Variants in PCBP3 observed in about 807,000 individuals in gnomAD.
The protein encoded by PCBP3 is poly(rC) binding protein 3, also known as poly(rC)-binding protein 3.
A neutral mutation model predicts 52.7 loss-of-function variants in PCBP3; 25 were observed. The ratio of observed to expected loss-of-function variants is 0.47; its 90% CI spans 0.35 to 0.66. PCBP3 has a LOEUF of 0.66. Among genes scored for constraint, PCBP3 ranks in the 30% least tolerant of loss-of-function variants. The probability of loss-of-function intolerance (pLI) is 0.01; values close to 1 mark genes in which losing one functional copy is unlikely to be tolerated. For synonymous variants in PCBP3, 162 were observed against 183.0 expected (o/e 0.89, Z 0.93); for missense variants, 391 against 490.3 (o/e 0.80, Z 1.91).
intron 9 of PCBP3, among the ~76,000 whole-genome samples, chr21:45,905,505 A>G (rs1052247564): frequency 6.6e-6 from 1 of 152,242 alleles, no homozygotes; most frequent in Non-Finnish European, 1.5e-5. Flanking sequence ...GCGGCAGCAC[A>G]CTGTCCCAGC....
intron 4 of PCBP3, among the ~76,000 whole-genome samples, chr21:45,810,193 A>C (rs1254275472): frequency 6.6e-6 from 1 of 150,742 alleles, no homozygotes; most frequent in African/African-American, 2.5e-5. Context: ...TCCTGGTGTA[A>C]ACCCTACTTG....
intron 5 of PCBP3, among the ~76,000 whole-genome samples, chr21:45,869,973 A>C (rs1228029495): frequency 2.6e-5 from 4 of 152,228 alleles, no homozygotes; most frequent in African/African-American, 9.6e-5. Flanking sequence ...TTTAGCTGTT[A>C]GTCACACTTC....
chr21:45,843,323 C>G (rs1464597272), intron 4 of PCBP3, among the ~76,000 whole-genome samples: 1 of 152,194 alleles, frequency 6.6e-6, no homozygotes, highest in African/African-American at 2.4e-5. Flanking sequence ...CTTGATTAAT[C>G]TCATCAGAGG....
rs1332915352 is a variant in PCBP3 at position 45,821,307 on chromosome 21, A to G, written c.-125-28654A>G. ...CCTGGGTCACACTGGCCCAGCACAC[A>G]CTGAGCTCCAGCCTGATGTCCAGCC... is the stretch of plus-strand genomic sequence containing the variant. On this transcript the variant is annotated intron_variant, in intron 4 of 17. Coordinates refer to ENST00000681687, the MANE Select transcript of PCBP3 (RefSeq NM_001384156.1). This position sits in a 1 kb window ranked among gnomAD's most constrained non-coding sequence, Gnocchi z 4.4. Among the ~76,000 whole-genome samples, 1 of 151,862 alleles carries G rather than the reference A, an allele frequency of 6.6e-6. No individual in the cohort carries two copies. The highest frequency in any genetic ancestry group is 1.5e-5 in the Non-Finnish European group (1 of 67,958).
chr21:45,697,512 A>G (rs1398599331), intron 2 of PCBP3, among the ~76,000 whole-genome samples: 1 of 152,170 alleles, frequency 6.6e-6, no homozygotes, highest in Non-Finnish European at 1.5e-5. Flanking sequence ...TGGGAGGCTG[A>G]GGCAGGAGGA....
intron 4 of PCBP3, among the ~76,000 whole-genome samples, chr21:45,774,611 A>G (rs562424210): frequency 6.6e-6 from 1 of 152,240 alleles, no homozygotes; most frequent in Non-Finnish European, 1.5e-5. Flanking sequence ...TCTTAGAGAG[A>G]ACACTCTTAG....
intron 1 of PCBP3, among the ~76,000 whole-genome samples, chr21:45,665,439 A>T (rs2080731430): frequency 6.6e-6 from 1 of 152,114 alleles, no homozygotes; most frequent in Non-Finnish European, 1.5e-5. Flanking sequence ...GATTTTTGTT[A>T]GTTAATTTTG....
At chr21:45,649,137 CAAT>C (rs2079518044) in intron 1 of PCBP3, among the ~76,000 whole-genome samples, 1 of 152,178 alleles carries the variant, frequency 6.6e-6, no homozygotes, top group Non-Finnish European at 1.5e-5. Context: ...GGAGGCCTCA[CAAT>C]GATGGCGGAA....
intron 2 of PCBP3, among the ~76,000 whole-genome samples, chr21:45,727,332 T>C (rs2085121774): frequency 6.6e-6 from 1 of 152,216 alleles, no homozygotes; most frequent in Non-Finnish European, 1.5e-5. Context: ...TCAAAATCAC[T>C]TGTTCATATG....
chr21:45,675,818 T>C (rs185686082), intron 2 of PCBP3, among the ~76,000 whole-genome samples: 112 of 152,312 alleles, frequency 7.4e-4, no homozygotes, highest in African/African-American at 2.3e-3. Flanking sequence ...CAATGGCAGG[T>C]GCTTTGACAC....
chr21:45,705,748 CT>C (rs1281559576), intron 2 of PCBP3, among the ~76,000 whole-genome samples: 1 of 152,006 alleles, frequency 6.6e-6, no homozygotes, highest in African/African-American at 2.4e-5. Context: ...TTTTTTCCCC[CT>C]CTCAGCCTTT....
intron 3 of PCBP3, among the ~76,000 whole-genome samples, chr21:45,747,495 C>G (rs2087008226): frequency 6.6e-6 from 1 of 152,230 alleles, no homozygotes; most frequent in Non-Finnish European, 1.5e-5. Flanking sequence ...GGTGCTGCTG[C>G]AGTGACAGTG....
At chr21:45,911,144 T>C (rs760253591) in intron 11 of PCBP3, 114 bp downstream of exon 11, 5 of 1,257,076 alleles carry the variant, frequency 4.0e-6, no homozygotes, top group South Asian at 1.2e-5. Flanking sequence ...GTTGGGGCTG[T>C]GGGGGGCTCC....
chr21:45,728,785 G>GTTTTGATT (rs1471793176), intron 2 of PCBP3: 6 of 152,100 alleles, frequency 3.9e-5, no homozygotes, highest in Non-Finnish European at 7.4e-5. Context: ...CCTTAAGTGA[G>GTTTTGATT]TTTTGATTAT....
chr21:45,659,598 G>C (rs976886172), intron 1 of PCBP3, among the ~76,000 whole-genome samples: 1 of 151,998 alleles, frequency 6.6e-6, no homozygotes. Flanking sequence ...CAGTCCTCCC[G>C]CTATGGCCTC....
In PCBP3 at chr21:45,785,770, T is replaced by G. The variant is rs936521936; in HGVS notation, c.-126+30318T>G. On this transcript the variant is annotated intron_variant, in intron 4 of 17. Coordinates refer to ENST00000681687, the MANE Select transcript of PCBP3 (RefSeq NM_001384156.1). ...AGAAAGAGGTAGACATGGGAGACTTTTCATTTTGTTCTGTACTAGAAAAAT... is the reference window on the plus strand; with the variant it reads ...AGAAAGAGGTAGACATGGGAGACTTGTCATTTTGTTCTGTACTAGAAAAAT... 5.6e-3 allele frequency among the ~76,000 whole-genome samples: 837 copies of G among 148,626 alleles called. 11 individuals are homozygous for G. Among genetic ancestry groups the G allele is most frequent in the African/African-American group, 0.02 (781 of 39,948 alleles).
chr21:45,940,837 C>T (rs185761817), intron 17 of PCBP3, among the ~76,000 whole-genome samples: 9 of 152,194 alleles, frequency 5.9e-5, no homozygotes, highest in Admixed American at 1.3e-4. Flanking sequence ...CCACCAGCCC[C>T]GCCGGCCTCT....
intron 3 of PCBP3, among the ~76,000 whole-genome samples, chr21:45,739,903 G>T (rs2086293844): frequency 6.6e-6 from 1 of 152,222 alleles, no homozygotes; most frequent in South Asian, 2.1e-4. Flanking sequence ...GGTAGAACAA[G>T]ATCACAGCAT....
At chr21:45,674,443 C>T (rs932571059) in intron 2 of PCBP3, among the ~76,000 whole-genome samples, 3 of 152,216 alleles carry the variant, frequency 2.0e-5, no homozygotes, top group Non-Finnish European at 2.9e-5. Context: ...TCTGTACATT[C>T]TCCAGTAAAT....
Sources: allele counts gnomAD v4.1 joint callset (sites outside exome capture counted in the v4.1 genomes callset), GRCh38; gene constraint gnomAD v4.1.1; non-coding constraint Gnocchi (gnomAD v3.1); transcripts MANE v1.5; gene names NCBI Gene and HGNC (gene_info 2026-07-23, HGNC 2026-07-21).